CARMIL1: variants seen among roughly 807,000 people sequenced by gnomAD.
CARMIL1 encodes the protein capping protein regulator and myosin 1 linker 1.
Under a neutral mutation model 177.1 loss-of-function variants are expected in CARMIL1, and 90 were observed. The ratio of observed to expected loss-of-function variants is 0.51; its 90% CI spans 0.43 to 0.61. CARMIL1 has a LOEUF of 0.61. Among genes scored for constraint, CARMIL1 ranks in the 20% least tolerant of loss-of-function variants. The probability of loss-of-function intolerance (pLI) is 0.00; values close to 1 mark genes in which losing one functional copy is unlikely to be tolerated. For synonymous variants in CARMIL1, 577 were observed against 606.2 expected (o/e 0.95, Z 0.71); for missense variants, 1,380 against 1,667.0 (o/e 0.83, Z 3.00).
intron 2 of CARMIL1, among the ~76,000 whole-genome samples, chr6:25,409,059 G>A: frequency 6.6e-6 from 1 of 152,120 alleles, no homozygotes; most frequent in East Asian, 1.9e-4. Flanking sequence ...AAATTGGTCT[G>A]GATTCAAAGC....
Position 25,485,765 on chromosome 6 carries a change from A to G in CARMIL1, c.962-2717A>G, listed in dbSNP as rs372270585. On this transcript the variant is annotated intron_variant, in intron 12 of 36. Coordinates refer to ENST00000329474, the MANE Select transcript of CARMIL1 (RefSeq NM_017640.6). Reference sequence around the variant, plus strand: ...AATTTCAAATTGCCCTAAGACAAAAATATCTTGAAATGTTTGTTTATTTAT... The same window carrying G: ...AATTTCAAATTGCCCTAAGACAAAAGTATCTTGAAATGTTTGTTTATTTAT... Among the ~76,000 whole-genome samples the G allele has an allele frequency of 1.9e-4, 29 of 152,300 alleles. No homozygotes were observed. In the East Asian group the frequency reaches 3.3e-3, roughly 17 times the overall value.
intron 20 of CARMIL1, among the ~76,000 whole-genome samples, chr6:25,511,585 C>A (rs1345659970): frequency 6.6e-6 from 1 of 152,120 alleles, no homozygotes; most frequent in Non-Finnish European, 1.5e-5. Context: ...TTTTGTAGGT[C>A]ATGAGGATGA....
rs911513221 is a variant in CARMIL1 at position 25,619,654 on chromosome 6, T to G, written c.*71T>G. On this transcript the variant is annotated 3_prime_UTR_variant, in exon 37 of 37. Transcript: ENST00000329474. ...CATCAGAGAGGAACCAAGGGCAACA[T>G]CTTTTCTTCCCAGGCGTTCTTCTCT... 13 of 1,457,024 alleles carry G rather than the reference T, an allele frequency of 8.9e-6. No homozygotes were observed. Among genetic ancestry groups the G allele is most frequent in the Non-Finnish European group, 1.2e-5 (13 of 1,095,176 alleles). 90.3% of individuals were successfully genotyped at this position (1,457,024 alleles called of 1,614,324 possible).
intron 2 of CARMIL1, among the ~76,000 whole-genome samples, chr6:25,340,367 T>G (rs1397656660): frequency 2.0e-5 from 3 of 152,370 alleles, no homozygotes; most frequent in Middle Eastern, 6.8e-3. Flanking sequence ...AGTGTTTTTG[T>G]CACAACGTTT....
At chr6:25,528,985 G>C (rs1807448065) in intron 24 of CARMIL1, 92 bp downstream of exon 24, 2 of 926,852 alleles carry the variant, frequency 2.2e-6, no homozygotes, top group African/African-American at 3.4e-5. Context: ...TTTCCAATGG[G>C]TCAATAAGAA....
intron 8 of CARMIL1, among the ~76,000 whole-genome samples, chr6:25,450,975 TCCTCTCCCCCTCCCCTCTCC>T (rs200613092): frequency 0.13 from 675 of 5,246 alleles, 89 homozygotes; most frequent in South Asian, 0.47. Flanking sequence ...TCTTCTCTTC[TCCTCTCCCCCTCCCCTCTCC>T]CCTCTCCCCT....
intron 33 of CARMIL1, 101 bp downstream of exon 33, chr6:25,600,847 T>A: frequency 9.4e-7 from 1 of 1,063,004 alleles, no homozygotes; most frequent in Non-Finnish European, 1.3e-6. Flanking sequence ...TCTATCACCT[T>A]AAACATTTAA....
intron 12 of CARMIL1, among the ~76,000 whole-genome samples, chr6:25,485,977 C>T (rs1802614597): frequency 6.6e-6 from 1 of 151,534 alleles, no homozygotes; most frequent in Non-Finnish European, 1.5e-5. Context: ...ACCACTGCCT[C>T]CAAATACCCT....
rs1167963600 is a variant in CARMIL1 at position 25,419,989 on chromosome 6, C to T, written c.139-125C>T. 3 of 726,652 alleles carry T rather than the reference C, an allele frequency of 4.1e-6. No homozygotes were observed. In the East Asian group the frequency reaches 7.5e-5, roughly 18 times the overall value. The allele number at this position is 726,652 out of a possible 1,614,324, so 45.0% of individuals were successfully genotyped here. On this transcript the variant is annotated intron_variant, in intron 2 of 36. Coordinates refer to ENST00000329474, the MANE Select transcript of CARMIL1 (RefSeq NM_017640.6). ...CTGTCCCAGCTCGTAATTCTTCTTA[C>T]ATGACAGGAGCCAAGCCATGTGGCC...
At chr6:25,392,054 A>G (rs200053104) in intron 2 of CARMIL1, among the ~76,000 whole-genome samples, 6 of 139,252 alleles carry the variant, frequency 4.3e-5, no homozygotes, top group South Asian at 2.4e-4. Flanking sequence ...GTGTATATGC[A>G]TGTGTGTGTG....
At chr6:25,374,400 A>G (rs1437687212) in intron 2 of CARMIL1, among the ~76,000 whole-genome samples, 1 of 152,150 alleles carries the variant, frequency 6.6e-6, no homozygotes, top group African/African-American at 2.4e-5. Flanking sequence ...ACTTGGTATG[A>G]TTTTGATTTT....
intron 2 of CARMIL1, among the ~76,000 whole-genome samples, chr6:25,390,293 C>CATATATATATATATAT (rs397887367): frequency 1.8e-4 from 15 of 84,878 alleles, no homozygotes; most frequent in Non-Finnish European, 2.7e-4. Context: ...TATATATTTA[C>CATATATATATATATAT]ATATATATAT....
At chr6:25,357,020 G>T (rs1361684972) in intron 2 of CARMIL1, among the ~76,000 whole-genome samples, 1 of 150,880 alleles carries the variant, frequency 6.6e-6, no homozygotes, top group Non-Finnish European at 1.5e-5. Context: ...TTTTAGTGGG[G>T]TTAACTATTG....
At chr6:25,569,912 A>G (rs1048844583) in intron 29 of CARMIL1, among the ~76,000 whole-genome samples, 12 of 152,182 alleles carry the variant, frequency 7.9e-5, no homozygotes, top group East Asian at 1.9e-4. Flanking sequence ...TTAAAATGCT[A>G]TTCAAGTTTT....
chr6:25,435,772 C>CT (rs1797171933), intron 5 of CARMIL1, among the ~76,000 whole-genome samples, 168 bp downstream of exon 5: 1 of 152,170 alleles, frequency 6.6e-6, no homozygotes, highest in Non-Finnish European at 1.5e-5. Context: ...GTGTTTTGGT[C>CT]TGAGGATTTC....
chr6:25,292,463 G>A (rs141468609), intron 2 of CARMIL1, among the ~76,000 whole-genome samples: 38 of 152,260 alleles, frequency 2.5e-4, no homozygotes, highest in African/African-American at 8.9e-4. Flanking sequence ...TACCTGAACC[G>A]AACACTGGAG....
At position 25,443,069 on chromosome 6, in the gene CARMIL1, A is replaced by G. The variant is rs73734006; in HGVS notation, c.372-6829A>G. On this transcript the variant is annotated intron_variant, in intron 5 of 36. Transcript: ENST00000329474. ...ACCCCCTATGTATCATCAAAAGAGC[A>G]TGGCCTGCAGTTTTATGGAAACAAA... 5.0e-3 allele frequency among the ~76,000 whole-genome samples: 769 copies of G among 152,326 alleles called. 3 individuals carry two copies. The highest frequency in any genetic ancestry group is 0.017 in the African/African-American group (688 of 41,560).
At chr6:25,500,291 CT>C in intron 17 of CARMIL1, 56 bp downstream of exon 17, 13 of 1,469,518 alleles carry the variant, frequency 8.8e-6, no homozygotes, top group Admixed American at 5.2e-5. Context: ...ACCGCTTTGC[CT>C]TTTTCCTGGA....
chr6:25,533,464 G>A (rs1322642804), intron 24 of CARMIL1, among the ~76,000 whole-genome samples: 1 of 152,190 alleles, frequency 6.6e-6, no homozygotes, highest in Non-Finnish European at 1.5e-5. Flanking sequence ...TGAAGGTGAT[G>A]TAAAGAGTAA....
Sources: gnomAD v4.1 joint callset for allele counts (sites outside exome capture counted in the v4.1 genomes callset) on GRCh38, gnomAD v4.1.1 for gene constraint, MANE v1.5 for transcripts, NCBI Gene and HGNC (gene_info 2026-07-23, HGNC 2026-07-21) for gene names.